The following PADI2 variants were observed in gnomAD, a reference collection of about 807,000 sequenced individuals.
The protein encoded by PADI2 is protein-arginine deiminase type-2.
PADI2 carries 70 observed loss-of-function variants against 81.1 expected under a neutral mutation model. The observed-to-expected ratio is 0.86, with a 90% CI of 0.71 to 1.05. The LOEUF (loss-of-function observed/expected upper bound fraction) is 1.05. PADI2 is among the 50% of genes least tolerant of loss of function. PADI2 has a pLI of 0.00. For synonymous variants in PADI2, 338 were observed against 358.0 expected (o/e 0.94, Z 0.63); for missense variants, 853 against 889.9 (o/e 0.96, Z 0.53).
intron 15 of PADI2, 89 bp downstream of exon 15, chr1:17,069,999 C>T (rs1441256387): frequency 7.7e-6 from 11 of 1,437,120 alleles, no homozygotes; most frequent in Non-Finnish European, 1.0e-5. Flanking sequence ...CCTGGGCCTC[C>T]CCATTGGACA....
At chr1:17,084,484 T>C (rs748452027) in intron 8 of PADI2, 115 bp downstream of exon 8, 9 of 610,944 alleles carry the variant, frequency 1.5e-5, no homozygotes, top group Non-Finnish European at 2.3e-5. Flanking sequence ...GCCAAGAGAG[T>C]TGCTCAAGGT....
In PADI2 at chr1:17,086,552, A is replaced by G. The variant is rs2101587321; in HGVS notation, c.803T>C (p.Ile268Thr). ...PDEGFSGLVS[I>T]HVSLLEYMAQ... ...CATGTACTCCAGCAGGCTGACATGG[A>G]TGGAGACCAGGCCTGAGAAGCCCTC... Residue 268 changes from isoleucine to threonine, a missense_variant, in exon 7 of 16, where the codon ATC (isoleucine) becomes ACC (threonine). Coordinates refer to ENST00000375486, the MANE Select transcript of PADI2 (RefSeq NM_007365.3). 6.2e-7 allele frequency: 1 copy of G among 1,613,834 alleles called. No homozygotes were observed. The highest frequency in any genetic ancestry group is 1.1e-5 in the South Asian group (1 of 91,080).
chr1:17,083,620 T>C, intron 9 of PADI2, 106 bp downstream of exon 9: 1 of 728,938 alleles, frequency 1.4e-6, no homozygotes, highest in Non-Finnish European at 2.5e-6. Flanking sequence ...GACAGAAGAA[T>C]CCCCATCTGC....
At position 17,068,697 on chromosome 1, in the gene PADI2, C is replaced by A. The variant is rs1263953376; in HGVS notation, c.*347G>T. 6 of 253,784 alleles carry A rather than the reference C, an allele frequency of 2.4e-5. No homozygotes were observed. In the South Asian group the frequency reaches 3.5e-4, roughly 15 times the overall value. 15.7% of individuals were successfully genotyped at this position (253,784 alleles called of 1,614,324 possible). ...AACTGGCAATCCCAGAATCTCCTTCCCTTCTCCCCTCATTCAGTGTCAGAT... is the reference window on the plus strand; with the variant it reads ...AACTGGCAATCCCAGAATCTCCTTCACTTCTCCCCTCATTCAGTGTCAGAT... On this transcript the variant is annotated 3_prime_UTR_variant, in exon 16 of 16. Transcript: ENST00000375486.
At chr1:17,090,166 T>A (rs1212817348) in intron 6 of PADI2, among the ~76,000 whole-genome samples, 1 of 152,240 alleles carries the variant, frequency 6.6e-6, no homozygotes, top group Non-Finnish European at 1.5e-5. Context: ...ACAGTCATCA[T>A]CATAATCTCA....
At position 17,069,295 on chromosome 1, in the gene PADI2, G is replaced by A. The variant is rs770245639; in HGVS notation, c.1765-18C>T. On this transcript the variant is annotated intron_variant, in intron 15 of 15. Transcript: ENST00000375486. Reference sequence around the variant, plus strand: ...ATGTTCACCTGTGACGGGGGATTGCGATGGCAACAGCTTCCATTTAGTGAG... The same window carrying A: ...ATGTTCACCTGTGACGGGGGATTGCAATGGCAACAGCTTCCATTTAGTGAG... The A allele has an allele frequency of 2.2e-5, 35 of 1,590,362 alleles. No homozygotes were observed. The highest frequency in any genetic ancestry group is 2.7e-5 in the African/African-American group (2 of 74,452).
In PADI2 at chr1:17,069,778, T is replaced by C. The variant is rs113354578; in HGVS notation, c.1764+310A>G. 1.9e-3 allele frequency among the ~76,000 whole-genome samples: 295 copies of C among 152,366 alleles called. 1 individual carries two copies. The highest frequency in any genetic ancestry group is 6.9e-3 in the African/African-American group (285 of 41,570). ...ATTGTTCTAACCTCTTTTTATGTTA[T>C]AGAAGACTCCCCTCTATGTAACAGA... On this transcript the variant is annotated intron_variant, in intron 15 of 15. Coordinates refer to ENST00000375486, the MANE Select transcript of PADI2 (RefSeq NM_007365.3).
chr1:17,117,409 T>A (rs1474676693), intron 1 of PADI2, among the ~76,000 whole-genome samples: 2 of 152,188 alleles, frequency 1.3e-5, no homozygotes, highest in Non-Finnish European at 2.9e-5. Context: ...TACTAGAAGA[T>A]TTAAAATGCA....
At chr1:17,113,542 T>A (rs1557774720) in intron 1 of PADI2, among the ~76,000 whole-genome samples, 1 of 152,162 alleles carries the variant, frequency 6.6e-6, no homozygotes, top group East Asian at 1.9e-4. Context: ...GTCCCCTCCC[T>A]GGGAGAGAAT....
rs755259310 is a variant in PADI2, at chr1:17,070,079, G to A, written c.1764+9C>T. On this transcript the variant is annotated intron_variant, in intron 15 of 15. Coordinates refer to ENST00000375486, the MANE Select transcript of PADI2 (RefSeq NM_007365.3). ...CATGGGGCGAGGGTTGGGGTCTGCAGGGCCTCACCATGTTTGGGAAGAAGG... is the reference window on the plus strand; with the variant it reads ...CATGGGGCGAGGGTTGGGGTCTGCAAGGCCTCACCATGTTTGGGAAGAAGG... 1 of 1,613,254 alleles carries A rather than the reference G, an allele frequency of 6.2e-7. No homozygotes were observed. Among genetic ancestry groups the A allele is most frequent in the African/African-American group, 1.3e-5 (1 of 74,914 alleles).
At chr1:17,111,155 T>C (rs1219335080) in intron 1 of PADI2, among the ~76,000 whole-genome samples, 1 of 149,366 alleles carries the variant, frequency 6.7e-6, no homozygotes, top group Admixed American at 6.8e-5. Context: ...TGGCATGATC[T>C]TGGCTCACTG....
rs747348866 is a variant in PADI2, at chr1:17,119,411, G to T, written c.-40C>A. ...TGCCCGCGCTCGCTGGTCCGGGGCGGCCGGGAGCACCTGCAGCAGGTGCGC... is the reference window on the plus strand; with the variant it reads ...TGCCCGCGCTCGCTGGTCCGGGGCGTCCGGGAGCACCTGCAGCAGGTGCGC... On this transcript the variant is annotated 5_prime_UTR_variant, in exon 1 of 16. Coordinates refer to ENST00000375486, the MANE Select transcript of PADI2 (RefSeq NM_007365.3). This position sits in a 1 kb window ranked among gnomAD's most constrained non-coding sequence, Gnocchi z 4.8. The T allele has an allele frequency of 6.4e-5, 93 of 1,462,272 alleles. No individual in the cohort carries two copies. Among genetic ancestry groups the T allele is most frequent in the Middle Eastern group, 1.9e-4 (1 of 5,134 alleles). The allele number at this position is 1,462,272 out of a possible 1,614,324, so 90.6% of individuals were successfully genotyped here. A position where few individuals can be genotyped will look rare whatever the true frequency, so the allele number is the denominator to read the frequency against.
At chr1:17,093,236 C>T (rs1369577967) in intron 5 of PADI2, among the ~76,000 whole-genome samples, 1 of 151,964 alleles carries the variant, frequency 6.6e-6, no homozygotes, top group African/African-American at 2.4e-5. Context: ...GTTGGGATTA[C>T]AGGTGCATGC....
rs1207022298 is a variant in PADI2, at chr1:17,104,634, C to T, written c.276+244G>A. ...ATTTTTAGTAGAGACAGGGTTTCAC[C>T]GTGTTAGCCAGGATGGTCTCGATCT... On this transcript the variant is annotated intron_variant, in intron 2 of 15. Coordinates refer to ENST00000375486, the MANE Select transcript of PADI2 (RefSeq NM_007365.3). 2.6e-5 allele frequency among the ~76,000 whole-genome samples: 4 copies of T among 151,914 alleles called. No individual in the cohort carries two copies. The South Asian group carries it at 6.2e-4, about 24-fold the overall frequency.
At chr1:17,112,239 C>T (rs1420714311) in intron 1 of PADI2, among the ~76,000 whole-genome samples, 1 of 152,088 alleles carries the variant, frequency 6.6e-6, no homozygotes, top group Admixed American at 6.5e-5. Context: ...ACAAACGACA[C>T]TTGCCCAGTC....
intron 1 of PADI2, among the ~76,000 whole-genome samples, chr1:17,111,682 C>T (rs2100212509): frequency 6.6e-6 from 1 of 152,354 alleles, no homozygotes; most frequent in South Asian, 2.1e-4. Flanking sequence ...GGCCCAGCCC[C>T]TGAGTTTCTG....
At chr1:17,071,331 GC>G (rs2078263160) in intron 14 of PADI2, 74 bp downstream of exon 14, 4 of 1,097,942 alleles carry the variant, frequency 3.6e-6, no homozygotes, top group Non-Finnish European at 5.6e-6. Flanking sequence ...CTCTACGGAA[GC>G]CCCAAGGATG....
chr1:17,102,750 T>TTG (rs1553183534), intron 3 of PADI2, among the ~76,000 whole-genome samples: 10 of 62,272 alleles, frequency 1.6e-4, no homozygotes, highest in Non-Finnish European at 3.1e-4. Flanking sequence ...ACCTTGACAC[T>TTG]TGGGGGGGGG....
At chr1:17,104,791 C>G in intron 2 of PADI2, 87 bp downstream of exon 2, 1 of 1,149,304 alleles carries the variant, frequency 8.7e-7, no homozygotes, top group Non-Finnish European at 1.2e-6. Flanking sequence ...GGCCCACGTG[C>G]AGTTTCTATG....
Sources: gnomAD v4.1 joint callset for allele counts (sites outside exome capture counted in the v4.1 genomes callset) on GRCh38, gnomAD v4.1.1 for gene constraint, Gnocchi (gnomAD v3.1) non-coding constraint, MANE v1.5 for transcripts, NCBI Gene and HGNC (gene_info 2026-07-23, HGNC 2026-07-21) for gene names.